Variants in PTCHD4 observed in about 807,000 individuals in gnomAD.
The protein encoded by PTCHD4 is patched domain containing 4.
A neutral mutation model predicts 58.1 loss-of-function variants in PTCHD4; 33 were observed. The ratio of observed to expected loss-of-function variants is 0.57; its 90% CI spans 0.43 to 0.76. The LOEUF (loss-of-function observed/expected upper bound fraction) is 0.76, where lower values mean the gene tolerates loss of function less well. PTCHD4 is among the 30% of genes least tolerant of loss of function. PTCHD4 has a pLI of 0.00. For missense variants in PTCHD4, 1,058 were observed against 1,027.1 expected, an observed-to-expected ratio of 1.03 and a Z score of -0.41; for synonymous variants, 478 against 409.6, an observed-to-expected ratio of 1.17 and a Z score of -2.02.
At chr6:48,057,008 T>C (rs1204148441) in intron 3 of PTCHD4, among the ~76,000 whole-genome samples, 1 of 152,138 alleles carries the variant, frequency 6.6e-6, no homozygotes, top group Admixed American at 6.5e-5. Flanking sequence ...TAAAACAAAA[T>C]CTGAAATTTA....
intron 1 of PTCHD4, among the ~76,000 whole-genome samples, chr6:48,110,638 C>T (rs989893809): frequency 2.7e-5 from 4 of 150,144 alleles, no homozygotes; most frequent in Admixed American, 1.3e-4. Context: ...TTACCACACA[C>T]ACACACACAC....
chr6:47,976,484 T>C (rs1482228263), intron 4 of PTCHD4, among the ~76,000 whole-genome samples: 3 of 151,846 alleles, frequency 2.0e-5, no homozygotes, highest in Non-Finnish European at 4.4e-5. Flanking sequence ...GAAACCCCCA[T>C]CTCTACTAAA....
At position 48,069,824 on chromosome 6, in the gene PTCHD4, C is replaced by A. The variant is rs570052074; in HGVS notation, c.-867G>T. On this transcript the variant is annotated 5_prime_UTR_variant, in exon 2 of 5. Transcript: ENST00000339488. Reference sequence around the variant, plus strand: ...CCCTTTTCCAGTGTCTCCTTCCACCCCTCACCCATGAGGACTGTTTCAAGC... The same window carrying A: ...CCCTTTTCCAGTGTCTCCTTCCACCACTCACCCATGAGGACTGTTTCAAGC... Among the ~76,000 whole-genome samples the A allele has an allele frequency of 3.2e-4, 48 of 152,248 alleles. No homozygotes were observed. The highest frequency in any genetic ancestry group is 3.4e-3 in the Middle Eastern group (1 of 294).
intron 3 of PTCHD4, among the ~76,000 whole-genome samples, chr6:48,036,459 T>G (rs184887494): frequency 2.1e-3 from 313 of 152,266 alleles, no homozygotes; most frequent in African/African-American, 6.5e-3. Flanking sequence ...CAAAACCTCC[T>G]GAGTAGTGTG....
In PTCHD4 at chr6:48,044,590, G is replaced by T. The variant is rs1163933875; in HGVS notation, c.417+23640C>A. On this transcript the variant is annotated intron_variant, in intron 3 of 4. Coordinates refer to ENST00000339488, the MANE Select transcript of PTCHD4 (RefSeq NM_001384253.1). The stretch of plus-strand genomic sequence containing the variant: ...AATGTACAGCCCACCAAACAAACCT[G>T]GCCCTTGCCAGTTTTTCTTTTAAAT... Among the ~76,000 whole-genome samples, 3 of 151,826 alleles carry T rather than the reference G, an allele frequency of 2.0e-5. No homozygotes were observed. In the East Asian group the frequency reaches 5.8e-4, roughly 29 times the overall value.
rs375295378 is a variant in PTCHD4, at chr6:47,958,444, T to C, written c.898+50190A>G. ...GGCATCAGACAACTAAAGACAGTGATCCCTGAGAACGGGAAACAAATGACG... is the reference window on the plus strand; with the variant it reads ...GGCATCAGACAACTAAAGACAGTGACCCCTGAGAACGGGAAACAAATGACG... On this transcript the variant is annotated intron_variant, in intron 4 of 4. Transcript: ENST00000339488. 1.8e-4 allele frequency among the ~76,000 whole-genome samples: 27 copies of C among 152,278 alleles called. No individual in the cohort carries two copies. In the East Asian group the frequency reaches 3.7e-3, roughly 21 times the overall value.
chr6:47,987,685 C>A (rs755617377), intron 4 of PTCHD4, among the ~76,000 whole-genome samples: 3 of 152,104 alleles, frequency 2.0e-5, no homozygotes, highest in Admixed American at 6.6e-5. Flanking sequence ...TATTGAGATA[C>A]CTTCTCCAAT....
chr6:47,922,749 G>A (rs1765475894), intron 4 of PTCHD4, among the ~76,000 whole-genome samples: 1 of 152,182 alleles, frequency 6.6e-6, no homozygotes, highest in South Asian at 2.1e-4. Context: ...TGTGATACAA[G>A]GAAACATATA....
chr6:48,071,434 T>C (rs1212733163), intron 1 of PTCHD4, among the ~76,000 whole-genome samples: 1 of 152,146 alleles, frequency 6.6e-6, no homozygotes, highest in Non-Finnish European at 1.5e-5. Context: ...ATAAAAAATA[T>C]ACACATAGAA....
At chr6:48,082,915 G>A (rs997153747) in intron 1 of PTCHD4, among the ~76,000 whole-genome samples, 6 of 151,440 alleles carry the variant, frequency 4.0e-5, no homozygotes, top group African/African-American at 1.5e-4. Flanking sequence ...CCATCTTATT[G>A]GTACATGTTT....
At chr6:47,901,354 T>A (rs996141720) in intron 4 of PTCHD4, 1 of 755,144 alleles carries the variant, frequency 1.3e-6, no homozygotes, top group African/African-American at 1.9e-5. Context: ...GGGTAATATT[T>A]ATCTCATAGA....
chr6:47,903,892 T>A (rs938284756), intron 4 of PTCHD4, among the ~76,000 whole-genome samples: 1 of 152,078 alleles, frequency 6.6e-6, no homozygotes, highest in Admixed American at 6.5e-5. Flanking sequence ...CCAAGAAAGG[T>A]CTCACCATGA....
chr6:48,110,975 T>C (rs1765863328), intron 1 of PTCHD4, among the ~76,000 whole-genome samples, 74 bp downstream of exon 1: 1 of 151,918 alleles, frequency 6.6e-6, no homozygotes, highest in Non-Finnish European at 1.5e-5. Flanking sequence ...TTGTTCACTG[T>C]TCTGTGATTG....
intron 4 of PTCHD4, among the ~76,000 whole-genome samples, chr6:47,995,345 A>G (rs554687179): frequency 9.2e-5 from 14 of 152,230 alleles, no homozygotes; most frequent in Non-Finnish European, 1.9e-4. Flanking sequence ...TTGGGGCAGC[A>G]TTCTTTGAAA....
chr6:48,058,080 G>T (rs1764478300), intron 3 of PTCHD4, among the ~76,000 whole-genome samples: 1 of 152,228 alleles, frequency 6.6e-6, no homozygotes, highest in Non-Finnish European at 1.5e-5. Context: ...GCCTTTAAAA[G>T]TCACAGTGCC....
chr6:48,100,598 T>G lies in PTCHD4; in HGVS notation c.-970+10451A>C, dbSNP rs185662369. ...AATATGAGCCTAAAGCCATCACTAT[T>G]CAAGTAGGAGCTGCAAGAATAAGAA... is the stretch of plus-strand genomic sequence containing the variant. On this transcript the variant is annotated intron_variant, in intron 1 of 4. Transcript: ENST00000339488. Among the ~76,000 whole-genome samples, 525 of 152,296 alleles carry G rather than the reference T, an allele frequency of 3.4e-3. 5 individuals carry two copies. The highest frequency in any genetic ancestry group is 0.012 in the African/African-American group (496 of 41,574).
chr6:48,074,339 A>G (rs1333195969), intron 1 of PTCHD4, among the ~76,000 whole-genome samples: 3 of 152,328 alleles, frequency 2.0e-5, no homozygotes, highest in East Asian at 3.9e-4. Flanking sequence ...TTAAGAACCC[A>G]GGTCATTTTC....
In PTCHD4 at chr6:47,884,621, C is replaced by T. The variant is rs148100878; in HGVS notation, c.899-4685G>A. The stretch of plus-strand genomic sequence containing the variant: ...TTCCCAGTACCCAGTCCTAACTGTT[C>T]TTTGAGTCTGTCCCATTTTCCCACC... On this transcript the variant is annotated intron_variant, in intron 4 of 4. Transcript: ENST00000339488. 2.7e-3 allele frequency among the ~76,000 whole-genome samples: 418 copies of T among 152,316 alleles called. 3 individuals are homozygous for T. Among genetic ancestry groups the T allele is most frequent in the African/African-American group, 8.1e-3 (337 of 41,576 alleles).
chr6:48,066,156 C>G (rs1370524829), intron 3 of PTCHD4, among the ~76,000 whole-genome samples: 1 of 151,504 alleles, frequency 6.6e-6, no homozygotes, highest in East Asian at 1.9e-4. Flanking sequence ...TACTGCTAAG[C>G]CTCACGAGAG....
Sources: allele counts gnomAD v4.1 joint callset (sites outside exome capture counted in the v4.1 genomes callset), GRCh38; gene constraint gnomAD v4.1.1; transcripts MANE v1.5; gene names NCBI Gene and HGNC (gene_info 2026-07-23, HGNC 2026-07-21).